The following TRIM62 variants were observed in gnomAD, a reference collection of about 807,000 sequenced individuals.
TRIM62 encodes E3 ubiquitin-protein ligase TRIM62.
TRIM62 carries 39 observed loss-of-function variants against 44.2 expected under a neutral mutation model. That is an observed-to-expected ratio of 0.88 (90% CI 0.68 to 1.15). TRIM62 has a LOEUF of 1.15. Ranked by LOEUF, TRIM62 falls within the 50% of genes most tolerant of loss-of-function variation. The pLI is 0.00. For missense variants in TRIM62, 544 were observed against 665.5 expected (o/e 0.82, Z 2.01); for synonymous variants, 278 against 292.3 (o/e 0.95, Z 0.50).
At position 33,181,439 on chromosome 1, in the gene TRIM62, AG is replaced by A; in HGVS notation, c.-8del. ...CCTTGAGGCTGCACGCCATGGCGCCAGGGGCAGCAGAGAGGGGGGCCCGAGG... is the reference window on the plus strand; with the variant it reads ...CCTTGAGGCTGCACGCCATGGCGCCAGGGCAGCAGAGAGGGGGGCCCGAGG... On this transcript the variant is annotated 5_prime_UTR_variant, in exon 1 of 5. Transcript: ENST00000291416. The surrounding 1 kb of genome is among the most constrained non-coding windows in gnomAD (Gnocchi z 6.5). 1.3e-6 allele frequency: 2 copies of A among 1,586,898 alleles called. No homozygotes were observed. Among genetic ancestry groups the A allele is most frequent in the Admixed American group, 3.5e-5 (2 of 56,560 alleles).
Position 33,145,918 on chromosome 1 carries a change from TC to T in TRIM62, c.*1258del, listed in dbSNP as rs772611041. ...CCAAGGTTCTGGATCTGACTTAAGT[TC>T]CCCCAAACAGAATCTCTTGTAAAAA... On this transcript the variant is annotated 3_prime_UTR_variant, in exon 5 of 5. Coordinates refer to ENST00000291416, the MANE Select transcript of TRIM62 (RefSeq NM_018207.3). 8.1e-5 allele frequency: 38 copies of T among 470,990 alleles called. No individual in the cohort carries two copies. Among genetic ancestry groups the T allele is most frequent in the South Asian group, 5.4e-4 (35 of 64,556 alleles). 29.2% of individuals were successfully genotyped at this position (470,990 alleles called of 1,614,324 possible). A position where few individuals can be genotyped will look rare whatever the true frequency, so the allele number is the denominator to read the frequency against.
chr1:33,151,150 G>T (rs35111341), intron 4 of TRIM62, among the ~76,000 whole-genome samples: 2 of 151,970 alleles, frequency 1.3e-5, no homozygotes, highest in South Asian at 2.1e-4. Flanking sequence ...GCTCTCCGTG[G>T]GTCTGAGACC....
chr1:33,147,504 C>A lies in TRIM62; in HGVS notation c.1101G>T (p.Leu367=). ...VAEKTQWVIG[L]AHEAASRKGS... Reference sequence around the variant, plus strand: ...CCTTGCGGCTTGCGGCTTCGTGTGCCAGCCCGATCACCCACTGGGTCTTCT... The same window carrying A: ...CCTTGCGGCTTGCGGCTTCGTGTGCAAGCCCGATCACCCACTGGGTCTTCT... The change falls in exon 5 of 5, where the codon CTG becomes CTT. Residue 367 remains leucine (L), a synonymous_variant. Transcript: ENST00000291416. This position sits in a 1 kb window ranked among gnomAD's most constrained non-coding sequence, Gnocchi z 8.1. 1 of 1,613,332 alleles carries A rather than the reference C, an allele frequency of 6.2e-7. No homozygotes were observed. The highest frequency in any genetic ancestry group is 1.3e-5 in the African/African-American group (1 of 75,034).
chr1:33,169,181 TTACA>T (rs1307229710), intron 1 of TRIM62, among the ~76,000 whole-genome samples: 1 of 152,120 alleles, frequency 6.6e-6, no homozygotes, highest in Middle Eastern at 3.2e-3. Flanking sequence ...ACACAGACAC[TTACA>T]TCATGGGGAA....
At chr1:33,170,608 G>C (rs1030228973) in intron 1 of TRIM62, among the ~76,000 whole-genome samples, 5 of 152,150 alleles carry the variant, frequency 3.3e-5, no homozygotes, top group African/African-American at 1.2e-4. Context: ...CCAGCAGGCA[G>C]AGTTCCTTGG....
At chr1:33,155,665 G>A (rs927848302) in intron 4 of TRIM62, among the ~76,000 whole-genome samples, 1 of 152,104 alleles carries the variant, frequency 6.6e-6, no homozygotes, top group African/African-American at 2.4e-5. Flanking sequence ...CTGTGCCTCC[G>A]TTACTTATTC....
At position 33,145,744 on chromosome 1, in the gene TRIM62, G is replaced by C; in HGVS notation, c.*1433C>G. On this transcript the variant is annotated 3_prime_UTR_variant, in exon 5 of 5. Coordinates refer to ENST00000291416, the MANE Select transcript of TRIM62 (RefSeq NM_018207.3). ...GTTCCCACCTCTGGGCAGGGATAGA[G>C]CCAAGGGGCAGGACAACCCTAGATG... is the stretch of plus-strand genomic sequence containing the variant. 1 of 405,414 alleles carries C rather than the reference G, an allele frequency of 2.5e-6. No homozygotes were observed. The highest frequency in any genetic ancestry group is 5.1e-6 in the Non-Finnish European group (1 of 196,060). 25.1% of individuals were successfully genotyped at this position (405,414 alleles called of 1,614,324 possible). A position where few individuals can be genotyped will look rare whatever the true frequency, so the allele number is the denominator to read the frequency against.
Position 33,145,831 on chromosome 1 carries a change from G to A in TRIM62, c.*1346C>T. 1 of 470,576 alleles carries A rather than the reference G, an allele frequency of 2.1e-6. No individual in the cohort carries two copies. The highest frequency in any genetic ancestry group is 1.6e-5 in the South Asian group (1 of 64,516). 29.2% of individuals were successfully genotyped at this position (470,576 alleles called of 1,614,324 possible). On this transcript the variant is annotated 3_prime_UTR_variant, in exon 5 of 5. Coordinates refer to ENST00000291416, the MANE Select transcript of TRIM62 (RefSeq NM_018207.3). The stretch of plus-strand genomic sequence containing the variant: ...TGCTGTGGCAGAAAAACGCAGGTGG[G>A]GCTTGCTCCACCCACCCTAACTTCC...
chr1:33,179,812 A>G (rs1645446589), intron 1 of TRIM62, among the ~76,000 whole-genome samples: 1 of 152,230 alleles, frequency 6.6e-6, no homozygotes, highest in South Asian at 2.1e-4. Context: ...GGCCCAAGTA[A>G]GCTTGGGAAC....
chr1:33,160,348 G>A (rs1645247718), intron 2 of TRIM62, among the ~76,000 whole-genome samples: 2 of 152,038 alleles, frequency 1.3e-5, no homozygotes. Context: ...AGGGCTAGGG[G>A]ACAGGGTGAA....
intron 4 of TRIM62, among the ~76,000 whole-genome samples, chr1:33,155,732 C>T (rs891336099): frequency 1.3e-5 from 2 of 152,220 alleles, no homozygotes; most frequent in Admixed American, 1.3e-4. Flanking sequence ...ACTTCTCTAT[C>T]CAGGTCTCTC....
chr1:33,179,643 T>C (rs1306249065), intron 1 of TRIM62, among the ~76,000 whole-genome samples: 1 of 152,148 alleles, frequency 6.6e-6, no homozygotes, highest in East Asian at 1.9e-4. Context: ...TTTATTGGTG[T>C]GTACTGTGGG....
chr1:33,159,015 A>T lies in TRIM62; in HGVS notation c.762-647T>A, dbSNP rs1412773475. Reference sequence around the variant, plus strand: ...GCCACCACGCCCGGCTAATTTTTGTATTTTTTTTTAGTAGAGACGGGGTTT... The same window carrying T: ...GCCACCACGCCCGGCTAATTTTTGTTTTTTTTTTTAGTAGAGACGGGGTTT... On this transcript the variant is annotated intron_variant, in intron 3 of 4. Transcript: ENST00000291416. The surrounding 1 kb of genome is among the most constrained non-coding windows in gnomAD (Gnocchi z 4.2). Among the ~76,000 whole-genome samples the T allele has an allele frequency of 6.7e-6, 1 of 149,890 alleles. No homozygotes were observed. The highest frequency in any genetic ancestry group is 1.5e-5 in the Non-Finnish European group (1 of 67,372).
At chr1:33,158,998 G>A (rs889444286) in intron 3 of TRIM62, among the ~76,000 whole-genome samples, 7 of 151,918 alleles carry the variant, frequency 4.6e-5, no homozygotes, top group Non-Finnish European at 7.4e-5. Flanking sequence ...CTGCCACCAC[G>A]CCCGGCTAAT....
chr1:33,156,476 T>C (rs676069), intron 4 of TRIM62, among the ~76,000 whole-genome samples: 149,081 of 152,242 alleles, frequency 0.98, 73,029 homozygotes, highest in East Asian at 0.99. Flanking sequence ...CTCCTGGAAA[T>C]GCTTCCTCCA....
chr1:33,147,896 A>G lies in TRIM62; in HGVS notation c.878-169T>C, dbSNP rs561604862. On this transcript the variant is annotated intron_variant, in intron 4 of 4. Coordinates refer to ENST00000291416, the MANE Select transcript of TRIM62 (RefSeq NM_018207.3). The surrounding 1 kb of genome is among the most constrained non-coding windows in gnomAD (Gnocchi z 8.1). Reference sequence around the variant, plus strand: ...TCTGGGCCTCATCTTCCTCCTCTGTAGAATGGAAGGGTGGTGGTTAAGGTC... The same window carrying G: ...TCTGGGCCTCATCTTCCTCCTCTGTGGAATGGAAGGGTGGTGGTTAAGGTC... Among the ~76,000 whole-genome samples the G allele has an allele frequency of 1.9e-4, 29 of 152,322 alleles. No individual in the cohort carries two copies. The highest frequency in any genetic ancestry group is 4.0e-4 in the Non-Finnish European group (27 of 68,028).
chr1:33,149,665 G>C (rs1645070133), intron 4 of TRIM62, among the ~76,000 whole-genome samples: 1 of 152,090 alleles, frequency 6.6e-6, no homozygotes. Flanking sequence ...ATGTTGGCCA[G>C]GCTGGTCTCG....
At chr1:33,150,687 C>G (rs570303363) in intron 4 of TRIM62, among the ~76,000 whole-genome samples, 2 of 152,272 alleles carry the variant, frequency 1.3e-5, no homozygotes, top group East Asian at 3.9e-4. Flanking sequence ...AACCAGGGGG[C>G]CCCTGCCTGG....
Position 33,170,221 on chromosome 1 carries a change from T to C in TRIM62, c.409-4655A>G, listed in dbSNP as rs547489032. Among the ~76,000 whole-genome samples the C allele has an allele frequency of 6.6e-5, 10 of 152,078 alleles. No individual in the cohort carries two copies. The East Asian group carries it at 1.9e-3, about 29-fold the overall frequency. ...GGTGGATGCCTGTAATTCCAGCTAC[T>C]TGGGAGGCTGAGGAGCAAGAATCGC... On this transcript the variant is annotated intron_variant, in intron 1 of 4. Transcript: ENST00000291416.
Sources: gnomAD v4.1 joint callset for allele counts (sites outside exome capture counted in the v4.1 genomes callset) on GRCh38, gnomAD v4.1.1 for gene constraint, Gnocchi (gnomAD v3.1) non-coding constraint, MANE v1.5 for transcripts, NCBI Gene and HGNC (gene_info 2026-07-23, HGNC 2026-07-21) for gene names.